The following ADGRF3 variants were observed in gnomAD, a reference collection of about 807,000 sequenced individuals.
The protein encoded by ADGRF3 is G protein-coupled receptor 113.
Under a neutral mutation model 93.2 loss-of-function variants are expected in ADGRF3, and 85 were observed. That is an observed-to-expected ratio of 0.91 (90% CI 0.77 to 1.09). The LOEUF is 1.09. Among genes scored for constraint, ADGRF3 ranks in the 50% least tolerant of loss-of-function variants. The pLI is 0.00. For synonymous variants in ADGRF3, 534 were observed against 532.5 expected, an observed-to-expected ratio of 1.00 and a Z score of -0.04; for missense variants, 1,125 against 1,246.2, an observed-to-expected ratio of 0.90 and a Z score of 1.46.
chr2:26,326,523 G>A (rs529890638), intron 1 of ADGRF3, among the ~76,000 whole-genome samples: 36 of 152,202 alleles, frequency 2.4e-4, no homozygotes, highest in Admixed American at 7.9e-4. Flanking sequence ...CAATATTCTA[G>A]TGAGCAGGAA....
Position 26,309,594 on chromosome 2 carries a change from G to A in ADGRF3, c.2938-13C>T, listed in dbSNP as rs760830601. 5.0e-6 allele frequency: 8 copies of A among 1,611,400 alleles called. No individual in the cohort carries two copies. In the African/African-American group the frequency reaches 8.0e-5, roughly 16 times the overall value. The stretch of plus-strand genomic sequence containing the variant: ...CTTCATTTGTGGCCTAGGAAGGGGT[G>A]GGAAGGCCCAATTGCAGGGCAGTTA... On this transcript the variant is annotated splice_polypyrimidine_tract_variant and intron_variant, in intron 12 of 13. Transcript: ENST00000651242.
intron 3 of ADGRF3, 32 bp from the exon 4 acceptor site, chr2:26,316,480 G>A (rs1377070944): frequency 1.3e-6 from 2 of 1,544,764 alleles, no homozygotes; most frequent in Non-Finnish European, 1.7e-6. Flanking sequence ...GGGGTGGGCA[G>A]GCTGTCTGAA....
chr2:26,320,537 T>C (rs915636122), intron 1 of ADGRF3, among the ~76,000 whole-genome samples: 1 of 152,126 alleles, frequency 6.6e-6, no homozygotes, highest in African/African-American at 2.4e-5. Flanking sequence ...GATAAACATA[T>C]ACAAACCTCC....
chr2:26,320,129 C>T (rs1675064627), intron 1 of ADGRF3, among the ~76,000 whole-genome samples: 1 of 152,146 alleles, frequency 6.6e-6, no homozygotes, highest in Non-Finnish European at 1.5e-5. Context: ...GAAGTTTCTT[C>T]TAGTTTTCAT....
At chr2:26,324,097 A>G (rs530077218) in intron 1 of ADGRF3, among the ~76,000 whole-genome samples, 15 of 152,224 alleles carry the variant, frequency 9.9e-5, no homozygotes, top group African/African-American at 3.6e-4. Flanking sequence ...CATCTCTACA[A>G]AAAGTTAGCT....
chr2:26,328,334 C>T (rs1156383028), intron 1 of ADGRF3, among the ~76,000 whole-genome samples: 1 of 152,030 alleles, frequency 6.6e-6, no homozygotes, highest in African/African-American at 2.4e-5. Context: ...TTGGATTTGG[C>T]GAGCTTTTGC....
intron 11 of ADGRF3, 35 bp from the exon 12 acceptor site, chr2:26,310,140 CA>C (rs1558375858): frequency 6.2e-7 from 1 of 1,614,022 alleles, no homozygotes. Context: ...TTATGCCAGC[CA>C]CGGCCCCGGC....
intron 1 of ADGRF3, among the ~76,000 whole-genome samples, chr2:26,342,975 T>C (rs577220764): frequency 2.6e-5 from 4 of 152,350 alleles, no homozygotes; most frequent in Admixed American, 1.3e-4. Context: ...TATGCTCTGA[T>C]AGTAAATACA....
chr2:26,328,348 T>A (rs1675557891), intron 1 of ADGRF3, among the ~76,000 whole-genome samples: 1 of 152,232 alleles, frequency 6.6e-6, no homozygotes, highest in African/African-American at 2.4e-5. Context: ...CTTTTGCTTC[T>A]GTAGATTTAT....
At chr2:26,342,912 T>C (rs374671194) in intron 1 of ADGRF3, among the ~76,000 whole-genome samples, 9 of 152,306 alleles carry the variant, frequency 5.9e-5, no homozygotes, top group African/African-American at 2.2e-4. Flanking sequence ...CTGCCGGGTT[T>C]AGGATTCACA....
At chr2:26,331,048 C>T (rs1279005943) in intron 1 of ADGRF3, among the ~76,000 whole-genome samples, 6 of 152,102 alleles carry the variant, frequency 3.9e-5, no homozygotes, top group African/African-American at 1.4e-4. Context: ...TCTGATTTCC[C>T]TTTTGATTTC....
intron 1 of ADGRF3, among the ~76,000 whole-genome samples, chr2:26,322,608 A>C (rs1675214990): frequency 6.6e-6 from 1 of 152,212 alleles, no homozygotes; most frequent in Admixed American, 6.5e-5. Context: ...AAAAGACTGG[A>C]GGGAAATGCT....
Position 26,315,676 on chromosome 2 carries a change from G to A in ADGRF3, c.564C>T (p.Leu188=). ...GGTTGGTGGCCTCCTGGCTCAGATGGAGAGTCAGGCTCAGCGTGTCACCAG... is the reference window on the plus strand; with the variant it reads ...GGTTGGTGGCCTCCTGGCTCAGATGAAGAGTCAGGCTCAGCGTGTCACCAG... The part of the protein sequence containing the change: ...QMPGDTLSLT[L]HLSQEATNLS... The change falls in exon 5 of 14, where the codon CTC becomes CTT. Residue 188 remains leucine (L), a synonymous_variant. Coordinates refer to ENST00000651242, the MANE Select transcript of ADGRF3 (RefSeq NM_001321971.2). The A allele has an allele frequency of 6.4e-7, 1 of 1,551,594 alleles. No individual in the cohort carries two copies. Among genetic ancestry groups the A allele is most frequent in the Non-Finnish European group, 8.7e-7 (1 of 1,146,980 alleles).
rs1674646572 is a variant in ADGRF3 at position 26,316,311 on chromosome 2, G to A, written c.463C>T (p.His155Tyr). 1 of 1,551,686 alleles carries A rather than the reference G, an allele frequency of 6.4e-7. No homozygotes were observed. The highest frequency in any genetic ancestry group is 1.4e-5 in the African/African-American group (1 of 73,066). Residue 155 changes from histidine (H) to tyrosine (Y), a missense_variant, in exon 4 of 14, where the codon CAT becomes TAT. Physicochemically the swap from His to Tyr is moderately conservative, Grantham distance 83 (BLOSUM62 2). Coordinates refer to ENST00000651242, the MANE Select transcript of ADGRF3 (RefSeq NM_001321971.2). ...AACTGGCAGTACCCGGGTTCGGGAT[G>A]GCTGAAGACAAGGCAGCCACAAGGC... ...HQPCGCLVFS[H>Y]PEPGYCQLLP...
At chr2:26,336,793 G>A (rs1303063686) in intron 1 of ADGRF3, among the ~76,000 whole-genome samples, 1 of 147,394 alleles carries the variant, frequency 6.8e-6, no homozygotes, top group Non-Finnish European at 1.5e-5. Context: ...GGAAATAACA[G>A]TGGGCAGGAT....
chr2:26,342,004 C>T (rs1274936305), intron 1 of ADGRF3, among the ~76,000 whole-genome samples: 2 of 151,062 alleles, frequency 1.3e-5, no homozygotes, highest in Non-Finnish European at 2.9e-5. Flanking sequence ...ACCCGGGAGG[C>T]GGAGATTGCA....
intron 1 of ADGRF3, among the ~76,000 whole-genome samples, chr2:26,335,967 C>G (rs1290787089): frequency 6.6e-6 from 1 of 152,162 alleles, no homozygotes; most frequent in African/African-American, 2.4e-5. Flanking sequence ...TAATTCAATG[C>G]TTACTGAGGT....
At chr2:26,314,306 C>T (rs527832209) in intron 6 of ADGRF3, 108 bp downstream of exon 6, 166 of 1,041,088 alleles carry the variant, frequency 1.6e-4, no homozygotes, top group Non-Finnish European at 1.8e-4. Context: ...ACCCCACTCT[C>T]TGGTTGAACT....
intron 1 of ADGRF3, among the ~76,000 whole-genome samples, chr2:26,331,795 A>G (rs1461964911): frequency 1.3e-5 from 2 of 152,226 alleles, no homozygotes; most frequent in Non-Finnish European, 2.9e-5. Context: ...GATATCTGTT[A>G]TAAATAGCAC....
Sources: gnomAD v4.1 joint callset for allele counts (sites outside exome capture counted in the v4.1 genomes callset) on GRCh38, gnomAD v4.1.1 for gene constraint, MANE v1.5 for transcripts, NCBI Gene and HGNC (gene_info 2026-07-23, HGNC 2026-07-21) for gene names.